The following GRIN2B variants were observed in gnomAD, a reference collection of about 807,000 sequenced individuals.
GRIN2B encodes glutamate ionotropic receptor NMDA type subunit 2B.
A neutral mutation model predicts 114.5 loss-of-function variants in GRIN2B; 5 were observed. The ratio of observed to expected loss-of-function variants is 0.04; its 90% CI spans 0.02 to 0.09. GRIN2B has a LOEUF of 0.09. Ranked by LOEUF, GRIN2B falls within the 10% of genes least tolerant of loss-of-function variation. The pLI is 1.00. For missense variants in GRIN2B, 1,108 were observed against 1,943.5 expected (o/e 0.57, Z 8.08); for synonymous variants, 787 against 745.1 (o/e 1.06, Z -0.92).
intron 2 of GRIN2B, among the ~76,000 whole-genome samples, chr12:13,954,100 G>C (rs370268816): frequency 6.6e-6 from 1 of 152,246 alleles, no homozygotes; most frequent in South Asian, 2.1e-4. Flanking sequence ...TTAGCCCATC[G>C]GCCTTAGTGT....
chr12:13,695,393 T>A (rs113367727), intron 4 of GRIN2B, among the ~76,000 whole-genome samples: 4 of 152,310 alleles, frequency 2.6e-5, no homozygotes, highest in African/African-American at 9.6e-5. Context: ...AAGACTATGC[T>A]TGTTTTATAG....
intron 2 of GRIN2B, among the ~76,000 whole-genome samples, chr12:13,940,834 C>G (rs1373736628): frequency 6.6e-6 from 1 of 152,128 alleles, no homozygotes; most frequent in Non-Finnish European, 1.5e-5. Context: ...ATCTCTCTCC[C>G]TCCCTGCCCC....
At chr12:13,923,392 G>A (rs1156610752) in intron 2 of GRIN2B, among the ~76,000 whole-genome samples, 1 of 152,150 alleles carries the variant, frequency 6.6e-6, no homozygotes, top group Non-Finnish European at 1.5e-5. Context: ...TTAGAACTAA[G>A]GTGAAGGCAG....
intron 2 of GRIN2B, among the ~76,000 whole-genome samples, chr12:13,976,748 T>C (rs1401315414): frequency 6.6e-6 from 1 of 152,184 alleles, no homozygotes; most frequent in East Asian, 1.9e-4. Flanking sequence ...TATGTCACCT[T>C]TGTTTTCAGA....
intron 4 of GRIN2B, among the ~76,000 whole-genome samples, chr12:13,739,553 C>T (rs1252293902): frequency 6.6e-6 from 1 of 152,032 alleles, no homozygotes; most frequent in Admixed American, 6.6e-5. Context: ...GCTGGTCTCT[C>T]CTGGCCAGAG....
intron 2 of GRIN2B, among the ~76,000 whole-genome samples, chr12:13,927,703 C>T (rs566073915): frequency 1.3e-5 from 2 of 151,996 alleles, no homozygotes; most frequent in South Asian, 4.2e-4. Context: ...CCTGTAATCC[C>T]AGCAATTTGG....
chr12:13,825,500 G>T lies in GRIN2B; in HGVS notation c.411+40298C>A, dbSNP rs1191035669. 3.4e-4 allele frequency among the ~76,000 whole-genome samples: 39 copies of T among 116,410 alleles called. 1 individual carries two copies. The highest frequency in any genetic ancestry group is 6.2e-4 in the South Asian group (2 of 3,214). The allele number at this position is 116,410 out of a possible 152,430, so 76.4% of individuals were successfully genotyped here. On this transcript the variant is annotated intron_variant, in intron 3 of 13. Transcript: ENST00000609686. ...TATAATAAATATATATATATTTTGT[G>T]TGTGTGTGTGTGTGTGTGTGTGTGT...
In GRIN2B at chr12:13,562,752, C is replaced by T. The variant is rs200820444; in HGVS notation, c.*31G>A. The T allele has an allele frequency of 3.1e-6, 5 of 1,589,932 alleles. No homozygotes were observed. The highest frequency in any genetic ancestry group is 2.2e-5 in the East Asian group (1 of 44,758). On this transcript the variant is annotated 3_prime_UTR_variant, in exon 14 of 14. Transcript: ENST00000609686. ...CACGCGACCCACAGCCTTACCCTCC[C>T]GTACCCACCTTAACCTCTCTGTTCC... is the stretch of plus-strand genomic sequence containing the variant.
At chr12:13,837,323 T>G (rs1389809206) in intron 3 of GRIN2B, among the ~76,000 whole-genome samples, 1 of 152,190 alleles carries the variant, frequency 6.6e-6, no homozygotes, top group East Asian at 1.9e-4. Flanking sequence ...ACTTCACACA[T>G]GCATGTCCTG....
At chr12:13,605,532 C>CTCTCTT (rs1255428896) in intron 10 of GRIN2B, among the ~76,000 whole-genome samples, 1 of 60,272 alleles carries the variant, frequency 1.7e-5, no homozygotes, top group Non-Finnish European at 3.4e-5. Context: ...CTCTCTCTCT[C>CTCTCTT]TCTCTCTCTC....
At chr12:13,644,606 A>T (rs991846257) in intron 5 of GRIN2B, among the ~76,000 whole-genome samples, 1 of 152,154 alleles carries the variant, frequency 6.6e-6, no homozygotes, top group African/African-American at 2.4e-5. Context: ...TTCTCTAGCT[A>T]TGAAGGCCCT....
At chr12:13,605,551 T>TCTCTCTCACACA in intron 10 of GRIN2B, among the ~76,000 whole-genome samples, 93 of 30,424 alleles carry the variant, frequency 3.1e-3, no homozygotes, top group South Asian at 6.5e-3. Flanking sequence ...TCTCTCTCTC[T>TCTCTCTCACACA]GACACACACA....
intron 2 of GRIN2B, among the ~76,000 whole-genome samples, chr12:13,942,768 T>C (rs1194345892): frequency 6.6e-6 from 1 of 152,146 alleles, no homozygotes; most frequent in East Asian, 1.9e-4. Flanking sequence ...GTAGAGACAA[T>C]AATCACTTTG....
chr12:13,583,996 A>G (rs1335086502), intron 10 of GRIN2B, among the ~76,000 whole-genome samples: 1 of 152,194 alleles, frequency 6.6e-6, no homozygotes, highest in East Asian at 1.9e-4. Context: ...TCAGAGGGAA[A>G]ATAATGGGAG....
Position 13,575,560 on chromosome 12 carries a change from G to A in GRIN2B, c.2011-3596C>T, listed in dbSNP as rs564200413. ...TCTAGTCCCAGCTACCTGGGAGGCTGAGGTGTGAGGATTGCTTGAGCCCAG... is the reference window on the plus strand; with the variant it reads ...TCTAGTCCCAGCTACCTGGGAGGCTAAGGTGTGAGGATTGCTTGAGCCCAG... On this transcript the variant is annotated intron_variant, in intron 10 of 13. Transcript: ENST00000609686. 2.6e-5 allele frequency among the ~76,000 whole-genome samples: 4 copies of A among 152,184 alleles called. No homozygotes were observed. In the South Asian group the frequency reaches 8.3e-4, roughly 32 times the overall value.
chr12:13,711,176 T>C (rs1318930927), intron 4 of GRIN2B, among the ~76,000 whole-genome samples: 2 of 151,952 alleles, frequency 1.3e-5, no homozygotes, highest in African/African-American at 4.8e-5. Context: ...GCTAGCCATA[T>C]GTAGAAAGCT....
At chr12:13,869,947 G>A (rs1042317850) in intron 2 of GRIN2B, among the ~76,000 whole-genome samples, 34 of 152,282 alleles carry the variant, frequency 2.2e-4, no homozygotes, top group African/African-American at 7.7e-4. Flanking sequence ...GTATATGGAA[G>A]TGCTTTGAAT....
At chr12:13,738,839 C>T (rs138370606) in intron 4 of GRIN2B, among the ~76,000 whole-genome samples, 3 of 152,304 alleles carry the variant, frequency 2.0e-5, no homozygotes, top group East Asian at 3.9e-4. Flanking sequence ...GGCCCTTACC[C>T]TCTTCCAGTG....
chr12:13,939,543 C>CTTTT (rs59671145), intron 2 of GRIN2B, among the ~76,000 whole-genome samples: 3,911 of 87,816 alleles, frequency 0.045, 105 homozygotes, highest in Non-Finnish European at 0.06. Context: ...CTGCACCGTG[C>CTTTT]TTTTTTTTTT....
Sources: gnomAD v4.1 joint callset for allele counts (sites outside exome capture counted in the v4.1 genomes callset) on GRCh38, gnomAD v4.1.1 for gene constraint, MANE v1.5 for transcripts, NCBI Gene and HGNC (gene_info 2026-07-23, HGNC 2026-07-21) for gene names.